The following ADAMTS3 variants were observed in gnomAD, a reference collection of about 807,000 sequenced individuals.
ADAMTS3 encodes ADAM metallopeptidase with thrombospondin type 1 motif 3, also known as A disintegrin and metalloproteinase with thrombospondin motifs 3.
In ADAMTS3, 73 loss-of-function variants were observed where a neutral mutation model predicts 129.0. The observed-to-expected ratio is 0.57, with a 90% CI of 0.47 to 0.69. The LOEUF (loss-of-function observed/expected upper bound fraction) is 0.69, where lower values mean the gene tolerates loss of function less well. ADAMTS3 is among the 30% of genes least tolerant of loss of function. The probability of loss-of-function intolerance (pLI) is 0.00; values close to 1 mark genes in which losing one functional copy is unlikely to be tolerated. For synonymous variants in ADAMTS3, 477 were observed against 510.8 expected (o/e 0.93, Z 0.89); for missense variants, 1,457 against 1,514.5 (o/e 0.96, Z 0.63).
At position 72,311,142 on chromosome 4, in the gene ADAMTS3, G is replaced by A. The variant is rs753043683; in HGVS notation, c.1961C>T (p.Thr654Ile). The change falls in exon 14 of 22, where the codon ACT (threonine) becomes ATT (isoleucine). Residue 654 changes from threonine to isoleucine, a missense_variant. Coordinates refer to ENST00000286657, the MANE Select transcript of ADAMTS3 (RefSeq NM_014243.3). ...RCHLYCQSKETGDVAYMKQLV... is the reference protein window; with the variant it reads ...RCHLYCQSKEIGDVAYMKQLV... ...TTGTTTCATGTAAGCAACATCTCCA[G>A]TCTCCTTGGACTGACAGTAAAGGTG... The A allele has an allele frequency of 3.7e-6, 6 of 1,612,288 alleles. No individual in the cohort carries two copies. The highest frequency in any genetic ancestry group is 5.1e-6 in the Non-Finnish European group (6 of 1,178,892).
chr4:72,373,350 C>T (rs529780834), intron 4 of ADAMTS3, among the ~76,000 whole-genome samples: 2 of 152,158 alleles, frequency 1.3e-5, no homozygotes, highest in Non-Finnish European at 2.9e-5. Flanking sequence ...AAAGAATGGC[C>T]ATTTTAGTAA....
At position 72,461,445 on chromosome 4, in the gene ADAMTS3, T is replaced by C. The variant is rs117519699; in HGVS notation, c.505-46474A>G. Among the ~76,000 whole-genome samples the C allele has an allele frequency of 2.6e-4, 39 of 151,872 alleles. No homozygotes were observed. In the East Asian group the frequency reaches 6.8e-3, roughly 27 times the overall value. ...ATTTTTTTCTTTAGTGGACTGTAGA[T>C]ATTCTCTTTAGTCAATTCCATCTGT... On this transcript the variant is annotated intron_variant, in intron 3 of 21. Transcript: ENST00000286657.
intron 2 of ADAMTS3, among the ~76,000 whole-genome samples, chr4:72,549,594 T>C (rs954015892): frequency 1.3e-5 from 2 of 152,050 alleles, no homozygotes; most frequent in Non-Finnish European, 1.5e-5. Flanking sequence ...TTTAGAAAAT[T>C]AGAAGAATGG....
chr4:72,282,478 G>GTCAGTAGCTGTAATTC lies in ADAMTS3; in HGVS notation c.*642_*657dup, dbSNP rs1420803569. ...TTGATTCAACAAAACCCTTTATATT[G>GTCAGTAGCTGTAATTC]TCAGTAGCTGTAATTCTAACTTCTC... On this transcript the variant is annotated 3_prime_UTR_variant, in exon 22 of 22. Transcript: ENST00000286657. 6.6e-6 allele frequency: 1 copy of GTCAGTAGCTGTAATTC among 152,206 alleles called. No homozygotes were observed. Among genetic ancestry groups the GTCAGTAGCTGTAATTC allele is most frequent in the East Asian group, 1.9e-4 (1 of 5,176 alleles). The allele number at this position is 152,206 out of a possible 1,614,324, so 9.4% of individuals were successfully genotyped here.
chr4:72,538,192 G>A (rs540042422), intron 3 of ADAMTS3, among the ~76,000 whole-genome samples: 26 of 152,242 alleles, frequency 1.7e-4, no homozygotes, highest in Admixed American at 4.6e-4. Context: ...AGAAACAGCA[G>A]AGAAAAAGGA....
At chr4:72,410,483 C>T (rs1357971043) in intron 4 of ADAMTS3, among the ~76,000 whole-genome samples, 1 of 152,136 alleles carries the variant, frequency 6.6e-6, no homozygotes, top group South Asian at 2.1e-4. Flanking sequence ...ATTACTTTAA[C>T]ACAAAGCTTC....
Position 72,555,951 on chromosome 4 carries a change from CCT to C in ADAMTS3, c.98-7069_98-7068del, listed in dbSNP as rs576155872. ...TGATTGTACATTTCCTGAGGTCCCC[CCT>C]GTCATGCCTCCTGTATAGCCTATGG... On this transcript the variant is annotated intron_variant, in intron 2 of 21. Transcript: ENST00000286657. Among the ~76,000 whole-genome samples the C allele has an allele frequency of 9.2e-5, 14 of 151,810 alleles. No homozygotes were observed. The East Asian group carries it at 2.7e-3, about 29-fold the overall frequency.
intron 4 of ADAMTS3, among the ~76,000 whole-genome samples, chr4:72,378,959 T>C (rs766465089): frequency 1.3e-5 from 2 of 152,136 alleles, no homozygotes; most frequent in Non-Finnish European, 2.9e-5. Context: ...TCTTGCCAGA[T>C]GTCAGACAAG....
At chr4:72,428,567 T>A (rs573071460) in intron 3 of ADAMTS3, among the ~76,000 whole-genome samples, 19 of 152,188 alleles carry the variant, frequency 1.2e-4, no homozygotes, top group African/African-American at 4.6e-4. Context: ...TTTTATGCTT[T>A]CCATATTAAC....
intron 21 of ADAMTS3, among the ~76,000 whole-genome samples, chr4:72,286,335 T>C (rs2109765453): frequency 6.6e-6 from 1 of 152,342 alleles, no homozygotes; most frequent in East Asian, 1.9e-4. Context: ...GTTTGTTCTT[T>C]TGGTTTTGAT....
At chr4:72,451,621 GA>G (rs1459885298) in intron 3 of ADAMTS3, among the ~76,000 whole-genome samples, 2 of 151,554 alleles carry the variant, frequency 1.3e-5, no homozygotes, top group East Asian at 2.0e-4. Flanking sequence ...ACACTAAGGG[GA>G]AAAAAGTTTG....
At chr4:72,428,876 C>G (rs906142442) in intron 3 of ADAMTS3, among the ~76,000 whole-genome samples, 1 of 151,948 alleles carries the variant, frequency 6.6e-6, no homozygotes, top group Admixed American at 6.6e-5. Context: ...CTGCCAATAT[C>G]CCGAAACCCA....
At chr4:72,420,595 C>A (rs1425187553) in intron 3 of ADAMTS3, among the ~76,000 whole-genome samples, 2 of 152,144 alleles carry the variant, frequency 1.3e-5, no homozygotes, top group East Asian at 3.9e-4. Flanking sequence ...TGTTAGTAAC[C>A]CACCACTGCC....
chr4:72,306,822 T>C (rs1258527847), intron 15 of ADAMTS3, among the ~76,000 whole-genome samples: 1 of 152,002 alleles, frequency 6.6e-6, no homozygotes, highest in Non-Finnish European at 1.5e-5. Context: ...TGTTTTAAAA[T>C]CATATATCAT....
At chr4:72,563,161 C>A (rs565741440) in intron 2 of ADAMTS3, among the ~76,000 whole-genome samples, 87 of 152,252 alleles carry the variant, frequency 5.7e-4, no homozygotes, top group African/African-American at 2.0e-3. Flanking sequence ...GAAAGCATGG[C>A]TAAACACCAA....
intron 3 of ADAMTS3, among the ~76,000 whole-genome samples, chr4:72,431,489 G>GT (rs1241052556): frequency 6.6e-6 from 1 of 152,012 alleles, no homozygotes; most frequent in African/African-American, 2.4e-5. Context: ...CTGCCCTCAT[G>GT]TGACAGGGTG....
Position 72,548,530 on chromosome 4 carries a change from T to C in ADAMTS3, c.452A>G (p.Asp151Gly). Residue 151 changes from aspartate to glycine, a missense_variant, in exon 3 of 22, where the codon GAC becomes GGC. Coordinates refer to ENST00000286657, the MANE Select transcript of ADAMTS3 (RefSeq NM_014243.3). Reference protein sequence around the residue: ...PLQTNCAYVGDIVDIPGTSVA... With the variant: ...PLQTNCAYVGGIVDIPGTSVA... ...AGAGGTTCCTGGAATGTCCACGATG[T>C]CACCAACATAAGCACAGTTAGTCTG... 1.2e-6 allele frequency: 2 copies of C among 1,613,916 alleles called. No homozygotes were observed. The highest frequency in any genetic ancestry group is 1.7e-6 in the Non-Finnish European group (2 of 1,179,852).
At chr4:72,523,985 A>C (rs1720741871) in intron 3 of ADAMTS3, among the ~76,000 whole-genome samples, 1 of 152,170 alleles carries the variant, frequency 6.6e-6, no homozygotes, top group South Asian at 2.1e-4. Flanking sequence ...AGGAAACTAA[A>C]ACTATGTAAC....
intron 13 of ADAMTS3, chr4:72,312,081 T>G (rs1225757242): frequency 2.0e-6 from 1 of 507,742 alleles, no homozygotes; most frequent in Non-Finnish European, 3.5e-6. Flanking sequence ...GTGATAGTGC[T>G]GCTTGCCAGG....
Sources: gnomAD v4.1 joint callset for allele counts (sites outside exome capture counted in the v4.1 genomes callset) on GRCh38, gnomAD v4.1.1 for gene constraint, MANE v1.5 for transcripts, NCBI Gene and HGNC (gene_info 2026-07-23, HGNC 2026-07-21) for gene names.